RANBP2: variants seen among roughly 807,000 people sequenced by gnomAD.
The protein encoded by RANBP2 is E3 SUMO-protein ligase RanBP2.
A neutral mutation model predicts 303.6 loss-of-function variants in RANBP2; 57 were observed. That is an observed-to-expected ratio of 0.19 (90% CI 0.15 to 0.23). The LOEUF is 0.23. RANBP2 is among the 10% of genes least tolerant of loss of function. The probability of loss-of-function intolerance (pLI) is 1.00; values close to 1 mark genes in which losing one functional copy is unlikely to be tolerated. For synonymous variants in RANBP2, 1,167 were observed against 1,301.5 expected (o/e 0.90, Z 2.23); for missense variants, 3,138 against 3,780.8 (o/e 0.83, Z 4.46).
chr2:109,431,819 T>C, the RANBP2 span, among the ~76,000 whole-genome samples: 1 of 152,030 alleles, frequency 6.6e-6, no homozygotes, highest in Non-Finnish European at 1.5e-5. Context: ...TGCAGTGAGC[T>C]ATGCTTGTAC....
intron 17 of RANBP2, among the ~76,000 whole-genome samples, chr2:108,756,471 T>A (rs1676323541): frequency 6.6e-6 from 1 of 152,242 alleles, no homozygotes; most frequent in African/African-American, 2.4e-5. Flanking sequence ...AAGGATATGC[T>A]GATGTGTGGC....
chr2:109,326,816 C>T, the RANBP2 span, among the ~76,000 whole-genome samples: 1 of 152,196 alleles, frequency 6.6e-6, no homozygotes, highest in African/African-American at 2.4e-5. Flanking sequence ...TAGGGGGACG[C>T]CTGTCTCATG....
chr2:109,304,450 G>A, the RANBP2 span, among the ~76,000 whole-genome samples: 2 of 152,034 alleles, frequency 1.3e-5, no homozygotes, highest in Non-Finnish European at 2.9e-5. Context: ...GTTGCCCCAC[G>A]TTGTCTGCTA....
chr2:109,637,994 G>A, the RANBP2 span, among the ~76,000 whole-genome samples: 1 of 152,286 alleles, frequency 6.6e-6, no homozygotes, highest in Middle Eastern at 3.4e-3. Flanking sequence ...GTGTTGCGAC[G>A]ATGCTAGTTT....
At chr2:109,545,475 T>C in the RANBP2 span, 1 of 1,536,186 alleles carries the variant, frequency 6.5e-7, no homozygotes, top group South Asian at 1.2e-5. Context: ...TCTGCGTCTT[T>C]ACGTCCACCA....
the RANBP2 span, among the ~76,000 whole-genome samples, chr2:109,331,352 CCT>C: frequency 1.3e-5 from 2 of 151,928 alleles, no homozygotes; most frequent in Non-Finnish European, 2.9e-5. Context: ...TGTTTTCCTG[CCT>C]CCCTCCTCTC....
chr2:108,939,175 C>T, the RANBP2 span, among the ~76,000 whole-genome samples: 1 of 151,880 alleles, frequency 6.6e-6, no homozygotes, highest in African/African-American at 2.4e-5. Context: ...ACTCATCCTT[C>T]CATTTGTTGT....
the RANBP2 span, among the ~76,000 whole-genome samples, chr2:109,199,587 T>TCAACC: frequency 0.02 from 19 of 972 alleles, no homozygotes; most frequent in African/African-American, 0.028. Flanking sequence ...TGGAATGGAA[T>TCAACC]GGAATGGAAT....
the RANBP2 span, among the ~76,000 whole-genome samples, chr2:109,493,286 AACAC>A: frequency 0.26 from 38,086 of 148,510 alleles, 5,099 homozygotes; most frequent in East Asian, 0.5. Context: ...ACACCATAGA[AACAC>A]ACACCATGCA....
chr2:109,449,063 T>C, the RANBP2 span: 1 of 1,324,430 alleles, frequency 7.6e-7, no homozygotes. Context: ...AGAGAGAGGC[T>C]GTGAGTGCTC....
the RANBP2 span, among the ~76,000 whole-genome samples, chr2:109,641,075 A>C: frequency 6.6e-6 from 1 of 152,226 alleles, no homozygotes; most frequent in African/African-American, 2.4e-5. Context: ...CTGAGTATAT[A>C]CCAAAATAAT....
chr2:108,798,657 AT>A, the RANBP2 span: 6 of 1,187,682 alleles, frequency 5.1e-6, no homozygotes, highest in Admixed American at 2.2e-5. Flanking sequence ...AGTTACTAAC[AT>A]TTTGTCACAT....
chr2:109,432,683 G>A, the RANBP2 span: 6 of 1,606,970 alleles, frequency 3.7e-6, 1 homozygote, highest in South Asian at 6.7e-5. Context: ...TGAGGGCATG[G>A]TGGTGGCAGC....
chr2:109,540,535 G>A, the RANBP2 span, among the ~76,000 whole-genome samples: 1 of 151,874 alleles, frequency 6.6e-6, no homozygotes, highest in Admixed American at 6.6e-5. Flanking sequence ...TTAATATACT[G>A]AAAATATGGC....
At chr2:109,025,264 T>A in the RANBP2 span, among the ~76,000 whole-genome samples, 1 of 152,228 alleles carries the variant, frequency 6.6e-6, no homozygotes, top group African/African-American at 2.4e-5. Flanking sequence ...AAACTGTTGA[T>A]AGACTTTCAG....
At chr2:109,447,147 T>TAAAAAAAAAAAA in the RANBP2 span, among the ~76,000 whole-genome samples, 6 of 82,652 alleles carry the variant, frequency 7.3e-5, no homozygotes, top group African/African-American at 1.5e-4. Context: ...CCTGAATATT[T>TAAAAAAAAAAAA]AAAAAAAAAA....
chr2:109,012,309 T>TG, the RANBP2 span, among the ~76,000 whole-genome samples: 2 of 152,048 alleles, frequency 1.3e-5, no homozygotes, highest in Non-Finnish European at 2.9e-5. Context: ...GAGGAAAGGG[T>TG]GGGGGGTCTC....
At chr2:108,755,408 T>G in intron 17 of RANBP2, 149 bp downstream of exon 17, 1 of 1,228,318 alleles carries the variant, frequency 8.1e-7, no homozygotes, top group Non-Finnish European at 1.1e-6. Context: ...TTTTTTTTTT[T>G]AAGACAGGGT....
the RANBP2 span, among the ~76,000 whole-genome samples, chr2:109,522,170 G>A: frequency 6.6e-6 from 1 of 152,100 alleles, no homozygotes; most frequent in Non-Finnish European, 1.5e-5. Context: ...TTTGGACTTT[G>A]AGTGGGGTAT....
Sources: gnomAD v4.1 joint callset for allele counts (sites outside exome capture counted in the v4.1 genomes callset) on GRCh38, gnomAD v4.1.1 for gene constraint, MANE v1.5 for transcripts, NCBI Gene and HGNC (gene_info 2026-07-23, HGNC 2026-07-21) for gene names.